The following ADGRL2 variants were observed in gnomAD, a reference collection of about 807,000 sequenced individuals.
The protein encoded by ADGRL2 is calcium-independent alpha-latrotoxin receptor 2.
A neutral mutation model predicts 157.4 loss-of-function variants in ADGRL2; 44 were observed. That is an observed-to-expected ratio of 0.28 (90% CI 0.22 to 0.36). The LOEUF (loss-of-function observed/expected upper bound fraction) is 0.36, where lower values mean the gene tolerates loss of function less well. ADGRL2 is among the 10% of genes least tolerant of loss of function. The probability of loss-of-function intolerance (pLI) is 1.00; values close to 1 mark genes in which losing one functional copy is unlikely to be tolerated. For synonymous variants in ADGRL2, 585 were observed against 624.7 expected (o/e 0.94, Z 0.95); for missense variants, 1,510 against 1,768.9 (o/e 0.85, Z 2.63).
At chr1:81,484,173 A>G (rs2078450891) in intron 2 of ADGRL2, among the ~76,000 whole-genome samples, 1 of 152,172 alleles carries the variant, frequency 6.6e-6, no homozygotes, top group African/African-American at 2.4e-5. Context: ...TGAAATTCAA[A>G]CATTAATTGA....
intron 1 of ADGRL2, among the ~76,000 whole-genome samples, chr1:81,826,457 A>G (rs1315786878): frequency 1.3e-5 from 2 of 152,222 alleles, no homozygotes; most frequent in Non-Finnish European, 2.9e-5. Flanking sequence ...CAGGAGATTT[A>G]TTAAGCCTGA....
At chr1:81,809,136 C>A (rs886205027) in intron 1 of ADGRL2, among the ~76,000 whole-genome samples, 5 of 151,934 alleles carry the variant, frequency 3.3e-5, no homozygotes, top group African/African-American at 9.7e-5. Context: ...TTTTTCCAAT[C>A]TGTGAGGAGT....
In ADGRL2 at chr1:81,991,104, G is replaced by A. The variant is rs779081104; in HGVS notation, c.4369G>A (p.Asp1457Asn). 2 of 1,610,360 alleles carry A rather than the reference G, an allele frequency of 1.2e-6. No homozygotes were observed. Among genetic ancestry groups the A allele is most frequent in the Admixed American group, 1.7e-5 (1 of 59,934 alleles). The change falls in exon 24 of 24, where the codon GAT (aspartate) becomes AAT (asparagine). Residue 1457 changes from aspartate to asparagine, a missense_variant. Transcript: ENST00000686636. ...INKEGCIPEG[D>N]VREGQMQLVT... ...CAAAGAAGGGTGTATTCCAGAAGGA[G>A]ATGTTAGAGAAGGACAAATGCAGCT...
intron 21 of ADGRL2, among the ~76,000 whole-genome samples, chr1:81,985,862 T>C (rs1223977233): frequency 6.6e-6 from 1 of 152,012 alleles, no homozygotes; most frequent in Non-Finnish European, 1.5e-5. Flanking sequence ...ACATGTATTC[T>C]TGAATAAAAG....
chr1:81,979,827 C>A, intron 17 of ADGRL2, 42 bp from the exon 18 acceptor site: 1 of 1,108,594 alleles, frequency 9.0e-7, no homozygotes, highest in Non-Finnish European at 1.4e-6. Context: ...CATTTTTCAG[C>A]TCTTTGTTCA....
intron 18 of ADGRL2, among the ~76,000 whole-genome samples, chr1:81,981,473 A>G (rs1315763025): frequency 6.6e-6 from 1 of 151,936 alleles, no homozygotes; most frequent in African/African-American, 2.4e-5. Flanking sequence ...ACAGGAGTAA[A>G]TTAATTAAGC....
intron 2 of ADGRL2, among the ~76,000 whole-genome samples, chr1:81,571,334 A>G (rs1248728938): frequency 6.8e-6 from 1 of 147,360 alleles, no homozygotes; most frequent in African/African-American, 2.5e-5. Flanking sequence ...AAAAACAAAT[A>G]CAAATATATA....
chr1:81,442,700 C>T (rs1328128444), intron 1 of ADGRL2, among the ~76,000 whole-genome samples: 1 of 152,170 alleles, frequency 6.6e-6, no homozygotes, highest in Non-Finnish European at 1.5e-5. Context: ...GGACTGCATC[C>T]AAGGACTGTC....
chr1:81,981,648 T>G (rs1427131679), intron 18 of ADGRL2, among the ~76,000 whole-genome samples, 160 bp from the exon 19 acceptor site: 1 of 151,976 alleles, frequency 6.6e-6, no homozygotes, highest in Non-Finnish European at 1.5e-5. Flanking sequence ...TAAATGCTAT[T>G]GTTCTTTCTT....
intron 1 of ADGRL2, among the ~76,000 whole-genome samples, chr1:81,398,985 G>A (rs2076704898): frequency 6.6e-6 from 1 of 152,224 alleles, no homozygotes; most frequent in African/African-American, 2.4e-5. Flanking sequence ...AACTATCTGA[G>A]ACTGACTAAT....
chr1:81,669,416 C>A (rs981553932), intron 3 of ADGRL2, among the ~76,000 whole-genome samples: 1 of 151,984 alleles, frequency 6.6e-6, no homozygotes, highest in Non-Finnish European at 1.5e-5. Flanking sequence ...AAGACTCCAT[C>A]TCTAAAAACA....
intron 1 of ADGRL2, among the ~76,000 whole-genome samples, chr1:81,322,368 C>T (rs879097597): frequency 6.6e-6 from 1 of 151,502 alleles, no homozygotes; most frequent in Non-Finnish European, 1.5e-5. Context: ...ATACCATATA[C>T]GATACTTAGG....
chr1:81,820,187 A>G (rs1043625832), intron 1 of ADGRL2, among the ~76,000 whole-genome samples: 4 of 152,202 alleles, frequency 2.6e-5, no homozygotes, highest in Admixed American at 6.6e-5. Flanking sequence ...TGATTAACTC[A>G]GAGTAGGCTC....
chr1:81,562,413 T>C (rs1373069186), intron 2 of ADGRL2, among the ~76,000 whole-genome samples: 1 of 152,222 alleles, frequency 6.6e-6, no homozygotes, highest in East Asian at 1.9e-4. Flanking sequence ...AGATTGTGTA[T>C]GTTTAATGTA....
intron 1 of ADGRL2, among the ~76,000 whole-genome samples, chr1:81,356,971 A>AAAAAAAAAGAAGAAG (rs80327519): frequency 4.0e-5 from 4 of 99,310 alleles, no homozygotes; most frequent in Admixed American, 1.3e-4. Flanking sequence ...AAAAAAAAAA[A>AAAAAAAAAGAAGAAG]AAGAAGTTGT....
chr1:81,745,328 A>G (rs991319349), intron 1 of ADGRL2, among the ~76,000 whole-genome samples: 1 of 152,232 alleles, frequency 6.6e-6, no homozygotes, highest in African/African-American at 2.4e-5. Flanking sequence ...AAAGTCACAT[A>G]TGCTTTCTTG....
At chr1:81,630,875 A>G (rs1001442832) in intron 3 of ADGRL2, among the ~76,000 whole-genome samples, 1 of 152,232 alleles carries the variant, frequency 6.6e-6, no homozygotes, top group Non-Finnish European at 1.5e-5. Flanking sequence ...TAACAAAGCC[A>G]ACCAAGCAAA....
At chr1:81,660,331 G>A (rs933879892) in intron 3 of ADGRL2, among the ~76,000 whole-genome samples, 7 of 152,076 alleles carry the variant, frequency 4.6e-5, no homozygotes, top group Admixed American at 3.9e-4. Flanking sequence ...CTGTTAATAG[G>A]TTGTACTGAG....
intron 2 of ADGRL2, among the ~76,000 whole-genome samples, chr1:81,493,174 GA>G (rs1212096990): frequency 6.6e-6 from 1 of 152,128 alleles, no homozygotes; most frequent in Non-Finnish European, 1.5e-5. Flanking sequence ...TATTTCAGGA[GA>G]AAAGAAATTA....
Sources: gnomAD v4.1 joint callset for allele counts (sites outside exome capture counted in the v4.1 genomes callset) on GRCh38, gnomAD v4.1.1 for gene constraint, MANE v1.5 for transcripts, NCBI Gene and HGNC (gene_info 2026-07-23, HGNC 2026-07-21) for gene names.